The following ESR2 variants were observed in gnomAD, a reference collection of about 807,000 sequenced individuals.
ESR2 encodes estrogen receptor 2.
ESR2 carries 36 observed loss-of-function variants against 49.6 expected under a neutral mutation model. The observed-to-expected ratio is 0.73, with a 90% CI of 0.56 to 0.96. The LOEUF (loss-of-function observed/expected upper bound fraction) is 0.96, where lower values mean the gene tolerates loss of function less well. Among genes scored for constraint, ESR2 ranks in the 40% least tolerant of loss-of-function variants. ESR2 has a pLI of 0.00. For synonymous variants in ESR2, 320 were observed against 266.1 expected, an observed-to-expected ratio of 1.20 and a Z score of -1.97; for missense variants, 714 against 693.0, an observed-to-expected ratio of 1.03 and a Z score of -0.34.
At chr14:64,301,323 T>C (rs567189596) in intron 1 of ESR2, 2 of 152,330 alleles carry the variant, frequency 1.3e-5, no homozygotes, top group South Asian at 4.1e-4. Flanking sequence ...TCCCGCATGT[T>C]TGGGTTCTTC....
chr14:64,328,130 G>A (rs1250484864), intron 1 of ESR2, among the ~76,000 whole-genome samples: 1 of 151,996 alleles, frequency 6.6e-6, no homozygotes, highest in East Asian at 1.9e-4. Flanking sequence ...GCTGAGGCAG[G>A]AGAATCACTT....
chr14:64,261,362 C>G (rs999500447), intron 4 of ESR2, among the ~76,000 whole-genome samples: 1 of 150,554 alleles, frequency 6.6e-6, no homozygotes, highest in South Asian at 2.1e-4. Flanking sequence ...CTCAGCCTCC[C>G]GAGTAGCTAG....
chr14:64,245,825 C>T (rs1051685180), intron 7 of ESR2, among the ~76,000 whole-genome samples: 1 of 152,160 alleles, frequency 6.6e-6, no homozygotes, highest in Non-Finnish European at 1.5e-5. Flanking sequence ...CAGTGCTTTC[C>T]GAGAAGCACT....
At chr14:64,234,641 T>G in intron 8 of ESR2, 1 of 446,756 alleles carries the variant, frequency 2.2e-6, no homozygotes, top group South Asian at 5.6e-5. Context: ...GCCTCAGCCC[T>G]GGGTGGTGTA....
At chr14:64,266,685 T>C (rs1025097669) in intron 4 of ESR2, among the ~76,000 whole-genome samples, 1 of 152,194 alleles carries the variant, frequency 6.6e-6, no homozygotes, top group African/African-American at 2.4e-5. Context: ...TGCATAAACA[T>C]ACACATAAGA....
At chr14:64,333,977 A>T (rs900197612) in intron 1 of ESR2, among the ~76,000 whole-genome samples, 2 of 152,232 alleles carry the variant, frequency 1.3e-5, no homozygotes, top group South Asian at 2.1e-4. Context: ...AAATCTTTCA[A>T]ATCTGTGTGT....
downstream of ESR2, chr14:64,227,099 C>G (rs2140568916): frequency 6.0e-6 from 1 of 167,242 alleles, no homozygotes; most frequent in East Asian, 1.8e-4. Context: ...TCGGCATTTC[C>G]CCTTTCTTAT....
intron 1 of ESR2, among the ~76,000 whole-genome samples, chr14:64,320,482 G>A (rs73269922): frequency 1.9e-3 from 292 of 152,292 alleles, no homozygotes; most frequent in African/African-American, 6.8e-3. Context: ...TTTTAGGGCA[G>A]TGAAACCATT....
chr14:64,243,988 T>G (rs971352522), intron 7 of ESR2, among the ~76,000 whole-genome samples: 1 of 152,210 alleles, frequency 6.6e-6, no homozygotes, highest in Non-Finnish European at 1.5e-5. Context: ...GGTTACCCTT[T>G]GTGATGGTTA....
intron 7 of ESR2, among the ~76,000 whole-genome samples, chr14:64,249,173 C>A (rs539133966): frequency 1.3e-5 from 2 of 152,016 alleles, no homozygotes; most frequent in African/African-American, 2.4e-5. Flanking sequence ...CTTTACTGAA[C>A]GAATGAATCT....
chr14:64,293,505 C>T (rs183108150), intron 1 of ESR2, among the ~76,000 whole-genome samples: 2 of 152,322 alleles, frequency 1.3e-5, no homozygotes, highest in Admixed American at 6.5e-5. Flanking sequence ...ATAAGAATAA[C>T]ACGCAGGGTG....
intron 3 of ESR2, among the ~76,000 whole-genome samples, chr14:64,276,904 T>C (rs1020405865): frequency 2.6e-5 from 4 of 152,180 alleles, no homozygotes; most frequent in Non-Finnish European, 5.9e-5. Flanking sequence ...GTGCCACTAG[T>C]GAACAAAATG....
intron 7 of ESR2, among the ~76,000 whole-genome samples, chr14:64,243,643 C>A (rs947660590): frequency 1.3e-4 from 20 of 152,138 alleles, no homozygotes; most frequent in Non-Finnish European, 2.6e-4. Context: ...TAGTCTAGGC[C>A]CACTACTGAG....
intron 3 of ESR2, among the ~76,000 whole-genome samples, chr14:64,271,988 C>T (rs1027234989): frequency 6.6e-6 from 1 of 152,310 alleles, no homozygotes; most frequent in South Asian, 2.1e-4. Flanking sequence ...AAACTGTTCT[C>T]CATAGTAGTT....
At chr14:64,282,558 C>T in intron 2 of ESR2, 66 bp downstream of exon 2, 3 of 1,475,764 alleles carry the variant, frequency 2.0e-6, no homozygotes, top group Non-Finnish European at 2.7e-6. Flanking sequence ...ATTTCCTTCT[C>T]ACTCAACCAT....
chr14:64,287,296 A>G (rs1202790624), intron 1 of ESR2, among the ~76,000 whole-genome samples: 1 of 152,182 alleles, frequency 6.6e-6, no homozygotes, highest in Non-Finnish European at 1.5e-5. Flanking sequence ...GAAACCAACT[A>G]TCAGACCCCA....
intron 1 of ESR2, among the ~76,000 whole-genome samples, chr14:64,325,127 G>A (rs1328806247): frequency 2.6e-5 from 4 of 152,120 alleles, no homozygotes; most frequent in African/African-American, 2.4e-5. Flanking sequence ...CTCCTATCAG[G>A]AATGTAGGAG....
Position 64,257,315 on chromosome 14 carries a change from A to G in ESR2, c.1002T>C (p.Cys334=), listed in dbSNP as rs56926155. 1.3e-4 allele frequency: 205 copies of G among 1,613,812 alleles called. 2 individuals carry two copies. In the African/African-American group the frequency reaches 2.5e-3, roughly 19 times the overall value. ...GCCCCATCATTAACACCTCCATCCA[A>G]CAGCTCTCCAAGAGCCGCACTTGGT... ...LFDQVRLLES[C]WMEVLMMGLM... The change falls in exon 6 of 9, where the codon TGT becomes TGC. Residue 334 remains cysteine (C), a synonymous_variant. Transcript: ENST00000341099.
rs557221858 is a variant in ESR2 at position 64,282,836 on chromosome 14, G to T, written c.150C>A (p.Ser50Arg). ...GAATGCTGTAATTCATCACAGCAGG[G>T]CTATAGAATGTCATGGCTGGATATT... ...HHEYPAMTFY[S>R]PAVMNYSIPS... Residue 50 changes from serine (S) to arginine (R), a missense_variant, in exon 2 of 9, where the codon AGC becomes AGA. Transcript: ENST00000341099. 1.2e-6 allele frequency: 2 copies of T among 1,614,198 alleles called. No homozygotes were observed. Among genetic ancestry groups the T allele is most frequent in the Non-Finnish European group, 8.5e-7 (1 of 1,180,008 alleles).
Sources: allele counts gnomAD v4.1 joint callset (sites outside exome capture counted in the v4.1 genomes callset), GRCh38; gene constraint gnomAD v4.1.1; transcripts MANE v1.5; gene names NCBI Gene and HGNC (gene_info 2026-07-23, HGNC 2026-07-21).